Variants in SENP7 observed in about 807,000 individuals in gnomAD.
The protein encoded by SENP7 is sentrin-specific protease 7.
Under a neutral mutation model 141.2 loss-of-function variants are expected in SENP7, and 64 were observed. The ratio of observed to expected loss-of-function variants is 0.45; its 90% CI spans 0.37 to 0.56. The LOEUF (loss-of-function observed/expected upper bound fraction) is 0.56. Ranked by LOEUF, SENP7 falls within the 20% of genes least tolerant of loss-of-function variation. The pLI is 0.00. For synonymous variants in SENP7, 382 were observed against 426.4 expected (o/e 0.90, Z 1.28); for missense variants, 1,025 against 1,212.2 (o/e 0.85, Z 2.29).
intron 3 of SENP7, among the ~76,000 whole-genome samples, chr3:101,487,253 C>A (rs1186524645): frequency 6.6e-6 from 1 of 152,000 alleles, no homozygotes; most frequent in African/African-American, 2.4e-5. Context: ...TTAAACCATA[C>A]CTTAAAACAA....
intron 5 of SENP7, among the ~76,000 whole-genome samples, chr3:101,400,211 T>A (rs1230872532): frequency 2.0e-5 from 3 of 152,232 alleles, no homozygotes; most frequent in African/African-American, 7.2e-5. Context: ...TTTAAAGTTT[T>A]CCTAACTCCT....
rs1044562578 is a variant in SENP7 at position 101,361,928 on chromosome 3, T to C, written c.1477-67A>G. ...ACTATATAAATGCTGAAAATGACTTTCACCATCAAATTCTTCTTTAAATTA... is the reference window on the plus strand; with the variant it reads ...ACTATATAAATGCTGAAAATGACTTCCACCATCAAATTCTTCTTTAAATTA... On this transcript the variant is annotated intron_variant, in intron 10 of 23. Coordinates refer to ENST00000394095, the MANE Select transcript of SENP7 (RefSeq NM_020654.5). 2.3e-5 allele frequency: 34 copies of C among 1,469,272 alleles called. No homozygotes were observed. In the African/African-American group the frequency reaches 3.7e-4, roughly 16 times the overall value. The allele number at this position is 1,469,272 out of a possible 1,614,324, so 91.0% of individuals were successfully genotyped here. A position where few individuals can be genotyped will look rare whatever the true frequency, so the allele number is the denominator to read the frequency against.
At chr3:101,369,305 C>A (rs1300224826) in intron 7 of SENP7, among the ~76,000 whole-genome samples, 1 of 152,180 alleles carries the variant, frequency 6.6e-6, no homozygotes, top group African/African-American at 2.4e-5. Context: ...ATCTGACTGG[C>A]CTGACTTTTC....
At chr3:101,502,582 C>T (rs1335415951) in intron 1 of SENP7, among the ~76,000 whole-genome samples, 1 of 151,442 alleles carries the variant, frequency 6.6e-6, no homozygotes, top group Non-Finnish European at 1.5e-5. Flanking sequence ...AGGCATGAGC[C>T]ACCGCGCCTG....
intron 4 of SENP7, among the ~76,000 whole-genome samples, chr3:101,442,022 T>C (rs1224559505): frequency 6.6e-6 from 1 of 152,034 alleles, no homozygotes; most frequent in Non-Finnish European, 1.5e-5. Context: ...ACATCACAGA[T>C]ACATCTACAG....
intron 16 of SENP7, among the ~76,000 whole-genome samples, chr3:101,339,472 A>G (rs4234486): frequency 0.4 from 60,376 of 151,928 alleles, 12,514 homozygotes; most frequent in Admixed American, 0.54. Flanking sequence ...ATGATAGTTA[A>G]CTCTTAGGGA....
At chr3:101,511,500 T>C (rs1248681284) in intron 1 of SENP7, among the ~76,000 whole-genome samples, 1 of 152,230 alleles carries the variant, frequency 6.6e-6, no homozygotes, top group Non-Finnish European at 1.5e-5. Flanking sequence ...TCCATTTTAC[T>C]TAGAGGTTTG....
rs374974263 is a variant in SENP7, at chr3:101,435,650, C to T, written c.285-17860G>A. ...TTCTGTATGCCAACAGCAAAAAACA[C>T]GAAAAAAAATTAAAAAGTAATCTCA... On this transcript the variant is annotated intron_variant, in intron 4 of 23. Coordinates refer to ENST00000394095, the MANE Select transcript of SENP7 (RefSeq NM_020654.5). Among the ~76,000 whole-genome samples, 85 of 150,682 alleles carry T rather than the reference C, an allele frequency of 5.6e-4. No homozygotes were observed. In the South Asian group the frequency reaches 0.015, roughly 26 times the overall value.
intron 9 of SENP7, among the ~76,000 whole-genome samples, chr3:101,365,825 C>T (rs1374652892): frequency 6.6e-6 from 1 of 152,072 alleles, no homozygotes; most frequent in Non-Finnish European, 1.5e-5. Context: ...CCCTTACCTT[C>T]TAAAGAATAA....
At chr3:101,414,561 G>C (rs1434959660) in intron 5 of SENP7, 1 of 1,604,456 alleles carries the variant, frequency 6.2e-7, no homozygotes, top group East Asian at 2.2e-5. Context: ...CCAAGTGTGT[G>C]GATGACCACA....
chr3:101,435,465 G>A (rs185584541), intron 4 of SENP7, among the ~76,000 whole-genome samples: 7 of 152,062 alleles, frequency 4.6e-5, no homozygotes, highest in Admixed American at 1.3e-4. Flanking sequence ...GATATAAAGG[G>A]CATCCAAATT....
intron 1 of SENP7, among the ~76,000 whole-genome samples, chr3:101,502,620 G>T (rs1054896543): frequency 8.0e-6 from 1 of 125,014 alleles, no homozygotes; most frequent in Non-Finnish European, 1.7e-5. Context: ...AAAGAAAAAA[G>T]AAAAAAAAAA....
At chr3:101,401,818 A>T (rs2061151504) in intron 5 of SENP7, among the ~76,000 whole-genome samples, 1 of 151,972 alleles carries the variant, frequency 6.6e-6, no homozygotes. Flanking sequence ...CCCTGTCTCT[A>T]CAAAAAATAG....
intron 5 of SENP7, among the ~76,000 whole-genome samples, chr3:101,406,229 T>G (rs2061299289): frequency 6.6e-6 from 1 of 152,142 alleles, no homozygotes; most frequent in African/African-American, 2.4e-5. Context: ...GTGGCACATA[T>G]ACACCATGGA....
At position 101,325,841 on chromosome 3, in the gene SENP7, A is replaced by C. The variant is rs2058885837; in HGVS notation, c.*102T>G. 2 of 1,043,666 alleles carry C rather than the reference A, an allele frequency of 1.9e-6. No individual in the cohort carries two copies. The highest frequency in any genetic ancestry group is 1.6e-5 in the African/African-American group (1 of 61,048). The allele number at this position is 1,043,666 out of a possible 1,614,324, so 64.7% of individuals were successfully genotyped here. A position where few individuals can be genotyped will look rare whatever the true frequency, so the allele number is the denominator to read the frequency against. On this transcript the variant is annotated 3_prime_UTR_variant, in exon 24 of 24. Transcript: ENST00000394095. ...TGTTCCAATGACTTATTATAAAACT[A>C]CTGCAAGTTATTTTCTTCTCTGTGA...
intron 4 of SENP7, among the ~76,000 whole-genome samples, chr3:101,444,025 G>A (rs1210192989): frequency 5.5e-5 from 8 of 145,710 alleles, no homozygotes; most frequent in African/African-American, 1.3e-4. Context: ...AATCTACAAT[G>A]AACTCAAACA....
rs984955345 is a variant in SENP7, at chr3:101,354,726, T to C, written c.1624-3075A>G. 2.0e-4 allele frequency among the ~76,000 whole-genome samples: 30 copies of C among 152,280 alleles called. No individual in the cohort carries two copies. In the South Asian group the frequency reaches 2.3e-3, roughly 12 times the overall value. ...ACATGTATATGTCTTTATGGTAGAA[T>C]GACTTATATTTGTCTGGGTATAATA... On this transcript the variant is annotated intron_variant, in intron 11 of 23. Coordinates refer to ENST00000394095, the MANE Select transcript of SENP7 (RefSeq NM_020654.5).
rs2059514873 is a variant in SENP7, at chr3:101,348,026, T to C, written c.1683A>G (p.Leu561=). ...ACCGCTTTAAATGTGTGGTATCCAC[T>C]AGCAATGAAATCTCATTCAGGGACA... ...FQVSLNEISL[L]VDTTHLKRFG... is the part of the protein sequence containing the mutation. The change falls in exon 13 of 24, where the codon CTA becomes CTG. Residue 561 remains leucine (L), a synonymous_variant. Coordinates refer to ENST00000394095, the MANE Select transcript of SENP7 (RefSeq NM_020654.5). 6.3e-7 allele frequency: 1 copy of C among 1,596,742 alleles called. No homozygotes were observed. Among genetic ancestry groups the C allele is most frequent in the Non-Finnish European group, 8.5e-7 (1 of 1,173,388 alleles).
chr3:101,413,516 T>C (rs2061512122), intron 5 of SENP7, among the ~76,000 whole-genome samples: 1 of 152,128 alleles, frequency 6.6e-6, no homozygotes, highest in Admixed American at 6.5e-5. Context: ...GAGCATTTAA[T>C]AAGTGTCCAG....
Sources: allele counts gnomAD v4.1 joint callset (sites outside exome capture counted in the v4.1 genomes callset), GRCh38; gene constraint gnomAD v4.1.1; transcripts MANE v1.5; gene names NCBI Gene and HGNC (gene_info 2026-07-23, HGNC 2026-07-21).